The following NOL10 variants were observed in gnomAD, a reference collection of about 807,000 sequenced individuals.
The protein encoded by NOL10 is nucleolar protein 10, also known as H_NH0074G24.1.
In NOL10, 58 loss-of-function variants were observed where a neutral mutation model predicts 103.5. The observed-to-expected ratio is 0.56, with a 90% CI of 0.45 to 0.70. The LOEUF (loss-of-function observed/expected upper bound fraction) is 0.70, where lower values mean the gene tolerates loss of function less well. Ranked by LOEUF, NOL10 falls within the 30% of genes least tolerant of loss-of-function variation. NOL10 has a pLI of 0.00. For synonymous variants in NOL10, 287 were observed against 282.5 expected (o/e 1.02, Z -0.16); for missense variants, 763 against 807.3 (o/e 0.95, Z 0.67).
chr2:10,598,025 A>G (rs570541462), intron 17 of NOL10, among the ~76,000 whole-genome samples: 1 of 152,334 alleles, frequency 6.6e-6, no homozygotes, highest in Non-Finnish European at 1.5e-5. Context: ...ACAGAAAGGC[A>G]AGTTCTTGAT....
intron 11 of NOL10, among the ~76,000 whole-genome samples, chr2:10,655,806 C>A (rs1228951385): frequency 6.6e-6 from 1 of 152,186 alleles, no homozygotes; most frequent in Non-Finnish European, 1.5e-5. Context: ...CTAGGATGGA[C>A]TAAGTGCCCA....
At chr2:10,605,825 C>T (rs1162304397) in intron 14 of NOL10, among the ~76,000 whole-genome samples, 1 of 152,174 alleles carries the variant, frequency 6.6e-6, no homozygotes, top group African/African-American at 2.4e-5. Context: ...CTAAATTCAG[C>T]TCTTTTTTGG....
At chr2:10,599,793 G>A (rs528966637) in intron 17 of NOL10, among the ~76,000 whole-genome samples, 42 of 152,188 alleles carry the variant, frequency 2.8e-4, no homozygotes, top group African/African-American at 1.0e-3. Flanking sequence ...GCCCATATCC[G>A]GTCCTTGCAT....
intron 13 of NOL10, among the ~76,000 whole-genome samples, chr2:10,631,145 T>C (rs1377674614): frequency 6.6e-6 from 1 of 152,230 alleles, no homozygotes; most frequent in South Asian, 2.1e-4. Context: ...CAGGGCCATT[T>C]CAACATATAC....
At chr2:10,673,691 AG>A (rs1167263641) in intron 4 of NOL10, 134 bp from the exon 5 acceptor site, 11 of 550,140 alleles carry the variant, frequency 2.0e-5, no homozygotes, top group Non-Finnish European at 3.5e-5. Context: ...ACGTGAAACA[AG>A]AAGAAAATTG....
intron 12 of NOL10, among the ~76,000 whole-genome samples, chr2:10,652,239 CAA>C (rs58611799): frequency 0.52 from 75,278 of 144,150 alleles, 19,648 homozygotes; most frequent in Middle Eastern, 0.63. Context: ...GACTCTGTCT[CAA>C]AAAAAAAAAA....
chr2:10,582,150 G>A (rs1276953840), intron 19 of NOL10, among the ~76,000 whole-genome samples: 2 of 152,188 alleles, frequency 1.3e-5, no homozygotes, highest in Non-Finnish European at 2.9e-5. Context: ...AAACAAAGCT[G>A]CATTACCTCA....
chr2:10,688,034 T>C (rs930435255), intron 1 of NOL10, among the ~76,000 whole-genome samples: 3 of 152,222 alleles, frequency 2.0e-5, no homozygotes, highest in African/African-American at 7.2e-5. Flanking sequence ...CACCCACTTG[T>C]TCAGACTCAA....
chr2:10,619,152 T>TG (rs1415049715), intron 13 of NOL10, among the ~76,000 whole-genome samples: 7 of 152,252 alleles, frequency 4.6e-5, no homozygotes, highest in Non-Finnish European at 7.4e-5. Flanking sequence ...TATGTATGTA[T>TG]TTATGTATTT....
At chr2:10,597,269 G>A (rs756410222) in intron 17 of NOL10, among the ~76,000 whole-genome samples, 2 of 152,106 alleles carry the variant, frequency 1.3e-5, no homozygotes, top group South Asian at 2.1e-4. Context: ...CATCTTATTC[G>A]ATTTTTGTGT....
chr2:10,664,100 C>G (rs1680411045), intron 8 of NOL10, among the ~76,000 whole-genome samples: 2 of 149,154 alleles, frequency 1.3e-5, no homozygotes, highest in Admixed American at 1.3e-4. Flanking sequence ...GCCTAGGCAA[C>G]AGAGAGAGAC....
chr2:10,615,835 C>T (rs1034290099), intron 13 of NOL10, among the ~76,000 whole-genome samples: 2 of 152,112 alleles, frequency 1.3e-5, no homozygotes, highest in Non-Finnish European at 2.9e-5. Context: ...AAATCCCCAC[C>T]ATGCCTAAAG....
chr2:10,631,781 C>T (rs1677864156), intron 13 of NOL10, among the ~76,000 whole-genome samples: 1 of 151,642 alleles, frequency 6.6e-6, no homozygotes, highest in Non-Finnish European at 1.5e-5. Flanking sequence ...ATGGCACGAC[C>T]TCAGCTCACT....
chr2:10,686,731 T>C (rs1038465693), intron 1 of NOL10, among the ~76,000 whole-genome samples: 2 of 152,076 alleles, frequency 1.3e-5, no homozygotes, highest in Non-Finnish European at 2.9e-5. Flanking sequence ...TCTAGTGGAT[T>C]GTATGAGAGC....
intron 9 of NOL10, among the ~76,000 whole-genome samples, chr2:10,660,518 A>G (rs1040770755): frequency 3.3e-5 from 5 of 152,002 alleles, no homozygotes; most frequent in African/African-American, 1.2e-4. Flanking sequence ...GGTTTTCACC[A>G]TGTTGCCCAG....
intron 2 of NOL10, 99 bp downstream of exon 2, chr2:10,684,468 G>A (rs1214387019): frequency 8.7e-6 from 8 of 923,098 alleles, no homozygotes; most frequent in Admixed American, 2.8e-5. Flanking sequence ...ACATGTTACC[G>A]CATTCTTATA....
intron 13 of NOL10, among the ~76,000 whole-genome samples, chr2:10,640,391 A>G (rs1184092634): frequency 2.0e-5 from 3 of 152,222 alleles, no homozygotes; most frequent in Non-Finnish European, 4.4e-5. Context: ...GCAGAAAGGT[A>G]GGTCAGAAAG....
At chr2:10,601,254 G>A (rs530769556) in intron 16 of NOL10, among the ~76,000 whole-genome samples, 20 of 152,188 alleles carry the variant, frequency 1.3e-4, no homozygotes, top group African/African-American at 4.6e-4. Context: ...TAGTAGAGAC[G>A]GGGTTTCACT....
intron 9 of NOL10, among the ~76,000 whole-genome samples, chr2:10,661,982 C>T (rs967462339): frequency 3.3e-5 from 5 of 152,076 alleles, no homozygotes; most frequent in Admixed American, 2.6e-4. Context: ...CTTGTGTTCA[C>T]TGTTTTTCTG....
Sources: gnomAD v4.1 joint callset for allele counts (sites outside exome capture counted in the v4.1 genomes callset) on GRCh38, gnomAD v4.1.1 for gene constraint, MANE v1.5 for transcripts, NCBI Gene and HGNC (gene_info 2026-07-23, HGNC 2026-07-21) for gene names.